The following CPSF2 variants were observed in gnomAD, a reference collection of about 807,000 sequenced individuals.
The protein encoded by CPSF2 is cleavage and polyadenylation specific factor 2, also known as cleavage and polyadenylation specificity factor subunit 2.
CPSF2 carries 51 observed loss-of-function variants against 84.2 expected under a neutral mutation model. The observed-to-expected ratio is 0.61, with a 90% CI of 0.48 to 0.77. The LOEUF is 0.77. Among genes scored for constraint, CPSF2 ranks in the 30% least tolerant of loss-of-function variants. CPSF2 has a pLI of 0.00. For missense variants in CPSF2, 641 were observed against 929.4 expected, an observed-to-expected ratio of 0.69 and a Z score of 4.03; for synonymous variants, 286 against 311.9, an observed-to-expected ratio of 0.92 and a Z score of 0.87.
At chr14:92,149,445 A>C (rs1166370731) in intron 9 of CPSF2, among the ~76,000 whole-genome samples, 2 of 152,018 alleles carry the variant, frequency 1.3e-5, no homozygotes, top group Admixed American at 1.3e-4. Context: ...AAACAAAAGA[A>C]ATTTGAAAGA....
At chr14:92,135,523 G>C in intron 6 of CPSF2, 27 bp downstream of exon 6, 4 of 1,580,524 alleles carry the variant, frequency 2.5e-6, no homozygotes, top group Non-Finnish European at 3.4e-6. Flanking sequence ...AAAAGCTAAA[G>C]GCAATGCAAT....
chr14:92,159,129 T>C lies in CPSF2; in HGVS notation c.1968T>C (p.Asp656=). Residue 656 remains aspartate (D), a synonymous_variant, in exon 14 of 16, where the codon GAT becomes GAC. Transcript: ENST00000298875. ...TAGAAGAAGGAGAACTAAAGGATGA[T>C]GGAGAAGACTCAGAGATGCAAGTGG... is the stretch of plus-strand genomic sequence containing the variant. The part of the protein sequence containing the change: ...VILEEGELKD[D]GEDSEMQVEA... 1 of 1,614,058 alleles carries C rather than the reference T, an allele frequency of 6.2e-7. No homozygotes were observed. The highest frequency in any genetic ancestry group is 8.5e-7 in the Non-Finnish European group (1 of 1,179,994).
At chr14:92,142,869 C>T (rs955438139) in intron 8 of CPSF2, 135 bp from the exon 9 acceptor site, 4 of 757,678 alleles carry the variant, frequency 5.3e-6, no homozygotes, top group African/African-American at 1.8e-5. Context: ...AGAAAATAAG[C>T]TGCTTGTCAA....
intron 12 of CPSF2, 114 bp downstream of exon 12, chr14:92,156,745 G>A (rs547352942): frequency 3.0e-6 from 2 of 670,378 alleles, no homozygotes; most frequent in African/African-American, 2.4e-5. Flanking sequence ...TAGTAAGTTT[G>A]TGCTTTTAAA....
intron 3 of CPSF2, among the ~76,000 whole-genome samples, chr14:92,132,489 C>T (rs924068429): frequency 2.6e-5 from 4 of 151,728 alleles, no homozygotes; most frequent in Admixed American, 6.6e-5. Context: ...TAATAGTTTG[C>T]GACCAGGCAC....
chr14:92,161,128 C>T lies in CPSF2; in HGVS notation c.2138C>T (p.Ser713Leu), dbSNP rs2069365879. 1 of 1,613,388 alleles carries T rather than the reference C, an allele frequency of 6.2e-7. No individual in the cohort carries two copies. Among genetic ancestry groups the T allele is most frequent in the East Asian group, 2.2e-5 (1 of 44,852 alleles). Residue 713 changes from serine to leucine, a missense_variant, in exon 15 of 16, where the codon TCA becomes TTA. Ser to Leu is a moderately radical substitution (Grantham distance 145). Coordinates refer to ENST00000298875, the MANE Select transcript of CPSF2 (RefSeq NM_017437.3). ...TTATCTAAGGTTCCTGGACATCAGTCAGTTTTTATGAATGAACCAAGGCTG... is the reference window on the plus strand; with the variant it reads ...TTATCTAAGGTTCCTGGACATCAGTTAGTTTTTATGAATGAACCAAGGCTG... ...LPPHEVPGHQ[S>L]VFMNEPRLSD...
rs368745796 is a variant in CPSF2 at position 92,130,973 on chromosome 14, G to C, written c.-12G>C. On this transcript the variant is annotated 5_prime_UTR_variant, in exon 3 of 16. Coordinates refer to ENST00000298875, the MANE Select transcript of CPSF2 (RefSeq NM_017437.3). ...AAGACTCTTCTAGCTTGCTGTTTCT[G>C]GACCAAAAAAAATGACGTCTATTAT... is the stretch of plus-strand genomic sequence containing the variant. 4 of 1,607,284 alleles carry C rather than the reference G, an allele frequency of 2.5e-6. No individual in the cohort carries two copies. The highest frequency in any genetic ancestry group is 3.4e-6 in the Non-Finnish European group (4 of 1,178,218).
chr14:92,123,629 G>T (rs1595046540), intron 1 of CPSF2, among the ~76,000 whole-genome samples: 1 of 152,286 alleles, frequency 6.6e-6, no homozygotes, highest in East Asian at 1.9e-4. Flanking sequence ...GAACTCCTGA[G>T]CTCAAGTGAT....
chr14:92,131,993 T>G (rs905688027), intron 3 of CPSF2, among the ~76,000 whole-genome samples: 1 of 152,234 alleles, frequency 6.6e-6, no homozygotes, highest in Non-Finnish European at 1.5e-5. Context: ...GAACATATGC[T>G]TCCCTGATTA....
intron 9 of CPSF2, among the ~76,000 whole-genome samples, chr14:92,148,476 C>T (rs1317408122): frequency 6.6e-6 from 1 of 152,126 alleles, no homozygotes; most frequent in Admixed American, 6.6e-5. Context: ...CAGCATTCAC[C>T]TTTTACCGAT....
rs566265535 is a variant in CPSF2, at chr14:92,130,990, G to A, written c.6G>A (p.Thr2=). M[T]SIIKLTTLSG... ...CTGTTTCTGGACCAAAAAAAATGAC[G>A]TCTATTATCAAATTAACTACCCTTT... Residue 2 remains threonine, a synonymous_variant, in exon 3 of 16, where the codon ACG becomes ACA. Transcript: ENST00000298875. 9.9e-6 allele frequency: 16 copies of A among 1,608,940 alleles called. No individual in the cohort carries two copies. Among genetic ancestry groups the A allele is most frequent in the East Asian group, 4.5e-5 (2 of 44,676 alleles).
rs561589271 is a variant in CPSF2 at position 92,167,465 on chromosome 14, T to C, written c.*5721T>C. 6.6e-6 allele frequency: 1 copy of C among 152,360 alleles called. No homozygotes were observed. The highest frequency in any genetic ancestry group is 1.5e-5 in the Non-Finnish European group (1 of 68,030). The allele number at this position is 152,360 out of a possible 1,614,324, so 9.4% of individuals were successfully genotyped here. A position where few individuals can be genotyped will look rare whatever the true frequency, so the allele number is the denominator to read the frequency against. On this transcript the variant is annotated 3_prime_UTR_variant, in exon 16 of 16. Transcript: ENST00000298875. Reference sequence around the variant, plus strand: ...TCAACCCACTTATTTTAGTATTGAATGAATGACCCTGTACAAGGAAAGGGA... The same window carrying C: ...TCAACCCACTTATTTTAGTATTGAACGAATGACCCTGTACAAGGAAAGGGA...
At chr14:92,143,460 C>T (rs111330784) in intron 9 of CPSF2, among the ~76,000 whole-genome samples, 166 bp downstream of exon 9, 2 of 151,508 alleles carry the variant, frequency 1.3e-5, no homozygotes, top group Admixed American at 6.6e-5. Context: ...GCCAGCTACT[C>T]GGGAGGCTGA....
intron 9 of CPSF2, among the ~76,000 whole-genome samples, chr14:92,143,766 TG>T (rs35113950): frequency 0.11 from 17,099 of 152,164 alleles, 1,216 homozygotes; most frequent in African/African-American, 0.19. Flanking sequence ...CCACCATGCC[TG>T]GCTATTTTTT....
chr14:92,137,571 T>C (rs1295266220), intron 6 of CPSF2, among the ~76,000 whole-genome samples: 2 of 152,204 alleles, frequency 1.3e-5, no homozygotes, highest in Non-Finnish European at 2.9e-5. Flanking sequence ...GTCTTTTTGA[T>C]TGAACTTTTC....
chr14:92,129,736 A>G (rs576235683), intron 2 of CPSF2, among the ~76,000 whole-genome samples: 153 of 152,232 alleles, frequency 1.0e-3, no homozygotes, highest in African/African-American at 3.6e-3. Context: ...TTTATTTTTT[A>G]GATACAAAGT....
chr14:92,137,017 A>C (rs1388046568), intron 6 of CPSF2, among the ~76,000 whole-genome samples: 1 of 142,780 alleles, frequency 7.0e-6, no homozygotes, highest in African/African-American at 2.6e-5. Flanking sequence ...CTGAAACAAC[A>C]AATAAAAAAA....
chr14:92,144,044 G>A (rs532412301), intron 9 of CPSF2, among the ~76,000 whole-genome samples: 1 of 152,186 alleles, frequency 6.6e-6, no homozygotes, highest in East Asian at 1.9e-4. Flanking sequence ...TGGAGTACAC[G>A]TCTTCCTTGT....
chr14:92,122,577 A>G (rs986123525), intron 1 of CPSF2, among the ~76,000 whole-genome samples: 1 of 151,984 alleles, frequency 6.6e-6, no homozygotes, highest in Non-Finnish European at 1.5e-5. Context: ...TAGTTCTTCG[A>G]CTCCAGAGAC....
Sources: gnomAD v4.1 joint callset for allele counts (sites outside exome capture counted in the v4.1 genomes callset) on GRCh38, gnomAD v4.1.1 for gene constraint, MANE v1.5 for transcripts, NCBI Gene and HGNC (gene_info 2026-07-23, HGNC 2026-07-21) for gene names.